Variants in PLCL1 observed in about 807,000 individuals in gnomAD.
PLCL1 encodes the protein inactive phospholipase C-like protein 1.
A neutral mutation model predicts 84.4 loss-of-function variants in PLCL1; 41 were observed. The ratio of observed to expected loss-of-function variants is 0.49; its 90% CI spans 0.38 to 0.63. PLCL1 has a LOEUF of 0.63. Among genes scored for constraint, PLCL1 ranks in the 30% least tolerant of loss-of-function variants. The pLI, the probability that PLCL1 is intolerant of heterozygous loss-of-function variation, is 0.00. For synonymous variants in PLCL1, 490 were observed against 488.3 expected (o/e 1.00, Z -0.05); for missense variants, 1,206 against 1,367.8 (o/e 0.88, Z 1.87).
At chr2:197,978,453 G>T (rs1160978921) in intron 1 of PLCL1, among the ~76,000 whole-genome samples, 1 of 152,188 alleles carries the variant, frequency 6.6e-6, no homozygotes, top group Non-Finnish European at 1.5e-5. Context: ...ACTCCAGCCT[G>T]GTCGACAGAG....
Position 197,908,288 on chromosome 2 carries a change from T to C in PLCL1, c.240+102949T>C, listed in dbSNP as rs184070336. ...CTAGAAATAAAATAGGAATGTATTC[T>C]CTATTGCTAAAAATAGTAAAGAATC... On this transcript the variant is annotated intron_variant, in intron 1 of 5. Transcript: ENST00000428675. 7.8e-3 allele frequency among the ~76,000 whole-genome samples: 1,186 copies of C among 152,366 alleles called. 9 individuals are homozygous for C. The highest frequency in any genetic ancestry group is 0.027 in the South Asian group (129 of 4,828).
At chr2:197,868,033 C>CA (rs1559030133) in intron 1 of PLCL1, among the ~76,000 whole-genome samples, 1 of 152,086 alleles carries the variant, frequency 6.6e-6, no homozygotes. Flanking sequence ...TGGTTGAAAA[C>CA]AAATGGCAAG....
intron 1 of PLCL1, among the ~76,000 whole-genome samples, chr2:197,888,663 T>G (rs1687962604): frequency 6.6e-6 from 1 of 152,238 alleles, no homozygotes; most frequent in African/African-American, 2.4e-5. Flanking sequence ...ATATTAGTTT[T>G]TATTACTGAA....
intron 1 of PLCL1, among the ~76,000 whole-genome samples, chr2:197,810,885 C>T (rs1053262888): frequency 1.3e-5 from 2 of 152,112 alleles, no homozygotes; most frequent in Non-Finnish European, 2.9e-5. Flanking sequence ...AAAAACTATC[C>T]GACTTTAGAT....
chr2:198,088,909 C>G lies in PLCL1; in HGVS notation c.2767C>G (p.Leu923Val). Residue 923 changes from leucine to valine, a missense_variant, in exon 3 of 6, where the codon CTG (leucine) becomes GTG (valine). Transcript: ENST00000428675. ...ATGTGGACTCCCTCCAATTGCCAGTCTGAAGCAGTGCCTGTTAACTCTGTC... is the reference window on the plus strand; with the variant it reads ...ATGTGGACTCCCTCCAATTGCCAGTGTGAAGCAGTGCCTGTTAACTCTGTC... ...ELCGLPPIASLKQCLLTLSSR... is the reference protein window; with the variant it reads ...ELCGLPPIASVKQCLLTLSSR... The G allele has an allele frequency of 6.2e-7, 1 of 1,612,962 alleles. No individual in the cohort carries two copies. The highest frequency in any genetic ancestry group is 1.3e-5 in the African/African-American group (1 of 75,000).
chr2:197,897,108 C>A (rs1688151918), intron 1 of PLCL1, among the ~76,000 whole-genome samples: 1 of 36,900 alleles, frequency 2.7e-5, no homozygotes, highest in African/African-American at 1.6e-4. Flanking sequence ...CCTTCTTCTT[C>A]TTCTTCTTCT....
intron 1 of PLCL1, among the ~76,000 whole-genome samples, chr2:197,867,220 C>T (rs965276057): frequency 6.6e-6 from 1 of 152,126 alleles, no homozygotes; most frequent in Non-Finnish European, 1.5e-5. Flanking sequence ...TCCTTCCTGG[C>T]CTGACTGATG....
chr2:198,108,116 A>C (rs915186141), intron 5 of PLCL1, among the ~76,000 whole-genome samples: 1 of 151,846 alleles, frequency 6.6e-6, no homozygotes, highest in South Asian at 2.1e-4. Flanking sequence ...TTCCCAATTA[A>C]TTCTCCAGAC....
chr2:197,885,396 C>T (rs192148566), intron 1 of PLCL1, among the ~76,000 whole-genome samples: 1 of 152,256 alleles, frequency 6.6e-6, no homozygotes, highest in East Asian at 1.9e-4. Flanking sequence ...GATTTCCCAG[C>T]TCAAGTGGTG....
rs56759346 is a variant in PLCL1, at chr2:198,071,098, GCACACACACACA to G, written c.241-12631_241-12620del. The stretch of plus-strand genomic sequence containing the variant: ...CTTCTGTTATCTGCTTTTTAAGTAT[GCACACACACACA>G]CACACACACACACACACACACACAC... On this transcript the variant is annotated intron_variant, in intron 1 of 5. Transcript: ENST00000428675. 411 of 147,798 alleles carry G rather than the reference GCACACACACACA, an allele frequency of 2.8e-3. 3 individuals carry two copies. Among genetic ancestry groups the G allele is most frequent in the Middle Eastern group, 0.01 (3 of 294 alleles). The allele number at this position is 147,798 out of a possible 1,614,324, so 9.2% of individuals were successfully genotyped here. A position where few individuals can be genotyped will look rare whatever the true frequency, so the allele number is the denominator to read the frequency against.
intron 5 of PLCL1, among the ~76,000 whole-genome samples, chr2:198,130,218 C>T (rs150158493): frequency 6.6e-6 from 1 of 152,270 alleles, no homozygotes; most frequent in African/African-American, 2.4e-5. Context: ...CTCCCCACTT[C>T]TTGCAACACT....
At chr2:197,824,735 A>C (rs1313365652) in intron 1 of PLCL1, among the ~76,000 whole-genome samples, 3 of 151,062 alleles carry the variant, frequency 2.0e-5, no homozygotes, top group East Asian at 1.9e-4. Flanking sequence ...AAAAAAAAAA[A>C]CATGTCTGAC....
rs183009682 is a variant in PLCL1, at chr2:197,946,454, T to G, written c.241-137304T>G. 5.3e-4 allele frequency among the ~76,000 whole-genome samples: 81 copies of G among 151,874 alleles called. 1 individual carries two copies. Among genetic ancestry groups the G allele is most frequent in the Non-Finnish European group, 9.0e-4 (61 of 67,908 alleles). ...AACAGGCTGTTTACAGAAAAAGAAG[T>G]GAAAAATGGCAAGCAAAGATAAGCA... On this transcript the variant is annotated intron_variant, in intron 1 of 5. Transcript: ENST00000428675.
chr2:197,956,912 C>T (rs907117013), intron 1 of PLCL1, among the ~76,000 whole-genome samples: 1 of 152,098 alleles, frequency 6.6e-6, no homozygotes, highest in African/African-American at 2.4e-5. Flanking sequence ...TATGCAGAAG[C>T]TCTTTAGTTC....
chr2:197,964,371 G>C (rs1482755221), intron 1 of PLCL1, among the ~76,000 whole-genome samples: 1 of 151,930 alleles, frequency 6.6e-6, no homozygotes, highest in East Asian at 1.9e-4. Context: ...ATATAAATGG[G>C]ATTGCTTCAT....
At chr2:198,099,850 T>G (rs1482870092) in intron 3 of PLCL1, among the ~76,000 whole-genome samples, 1 of 152,204 alleles carries the variant, frequency 6.6e-6, no homozygotes, top group Non-Finnish European at 1.5e-5. Context: ...AAGCATGTAA[T>G]AAAGTTTTAA....
intron 1 of PLCL1, among the ~76,000 whole-genome samples, chr2:197,996,094 G>T (rs1292429294): frequency 6.6e-6 from 1 of 152,090 alleles, no homozygotes; most frequent in African/African-American, 2.4e-5. Flanking sequence ...GGAAGAGCAG[G>T]TTTGTTCAAG....
Position 198,146,927 on chromosome 2 carries a change from G to T in PLCL1, c.3253G>T (p.Glu1085Ter). 6.2e-7 allele frequency: 1 copy of T among 1,612,452 alleles called. No individual in the cohort carries two copies. The highest frequency in any genetic ancestry group is 8.5e-7 in the Non-Finnish European group (1 of 1,179,032). The part of the protein sequence containing the change: ...KSKRSLEAIE[E>*]KESSEENGKL ...CAAGCGCAGCCTGGAAGCCATAGAG[G>T]AGAAGGAAAGTAGTGAGGAGAATGG... Residue 1085 changes from glutamate to a stop codon, truncating the protein, a stop_gained, in exon 6 of 6, where the codon GAG becomes TAG. Coordinates refer to ENST00000428675, the MANE Select transcript of PLCL1 (RefSeq NM_006226.4). LOFTEE classifies it high-confidence loss of function.
intron 1 of PLCL1, among the ~76,000 whole-genome samples, chr2:197,993,631 A>G (rs972357080): frequency 6.6e-6 from 1 of 152,190 alleles, no homozygotes; most frequent in African/African-American, 2.4e-5. Context: ...CAGAGAGCCT[A>G]GAGAGAGCTA....
Sources: gnomAD v4.1 joint callset for allele counts (sites outside exome capture counted in the v4.1 genomes callset) on GRCh38, gnomAD v4.1.1 for gene constraint, MANE v1.5 for transcripts, NCBI Gene and HGNC (gene_info 2026-07-23, HGNC 2026-07-21) for gene names.